LINGO2: variants seen among roughly 807,000 people sequenced by gnomAD.
LINGO2 encodes the protein leucine-rich repeat and immunoglobulin-like domain-containing nogo receptor-interacting protein 2.
A neutral mutation model predicts 30.6 loss-of-function variants in LINGO2; 14 were observed. The ratio of observed to expected loss-of-function variants is 0.46; its 90% confidence interval spans 0.30 to 0.72. The LOEUF is 0.72. Among genes scored for constraint, LINGO2 ranks in the 30% least tolerant of loss-of-function variants. The probability of loss-of-function intolerance (pLI) is 0.07; values close to 1 mark genes in which losing one functional copy is unlikely to be tolerated. For missense variants in LINGO2, 729 were observed against 751.7 expected (o/e 0.97, Z 0.35); for synonymous variants, 317 against 288.5 (o/e 1.10, Z -1.00).
At chr9:28,902,707 A>C in the LINGO2 span, among the ~76,000 whole-genome samples, 1 of 152,154 alleles carries the variant, frequency 6.6e-6, no homozygotes, top group Non-Finnish European at 1.5e-5. Flanking sequence ...AAACAGTACA[A>C]AACTAGAAAC....
At chr9:29,184,448 G>A in the LINGO2 span, among the ~76,000 whole-genome samples, 1 of 151,972 alleles carries the variant, frequency 6.6e-6, no homozygotes, top group African/African-American at 2.4e-5. Context: ...TGTTCTATAG[G>A]GGGGAAGAAG....
the LINGO2 span, among the ~76,000 whole-genome samples, chr9:29,114,369 C>T: frequency 2.8e-5 from 3 of 108,720 alleles, no homozygotes; most frequent in African/African-American, 1.0e-4. Flanking sequence ...TGTAACAGAG[C>T]ATTTTTTTCT....
the LINGO2 span, among the ~76,000 whole-genome samples, chr9:29,060,748 T>A: frequency 6.6e-6 from 1 of 151,220 alleles, no homozygotes; most frequent in Non-Finnish European, 1.5e-5. Context: ...AAATACAATG[T>A]TTGAAATTAA....
At chr9:28,513,325 A>T (rs1018936740) in intron 1 of LINGO2, among the ~76,000 whole-genome samples, 1 of 152,216 alleles carries the variant, frequency 6.6e-6, no homozygotes, top group Admixed American at 6.5e-5. Flanking sequence ...CGGTGTCTAC[A>T]TTTCAGACTC....
At chr9:29,175,711 G>A in the LINGO2 span, among the ~76,000 whole-genome samples, 3 of 151,834 alleles carry the variant, frequency 2.0e-5, no homozygotes, top group African/African-American at 7.3e-5. Context: ...ATCTTTAGTA[G>A]AGACGGGGTT....
intron 1 of LINGO2, among the ~76,000 whole-genome samples, chr9:28,524,581 C>T (rs1243446972): frequency 6.6e-6 from 1 of 152,066 alleles, no homozygotes; most frequent in Non-Finnish European, 1.5e-5. Context: ...GGTGAAACCA[C>T]ATCTCTACTA....
chr9:28,285,379 G>C (rs1004344195), intron 4 of LINGO2, among the ~76,000 whole-genome samples: 4 of 150,600 alleles, frequency 2.7e-5, no homozygotes, highest in African/African-American at 7.3e-5. Flanking sequence ...AACTCTGAGA[G>C]GACACGTTGC....
chr9:28,134,368 A>C lies in LINGO2; in HGVS notation c.-86-121963T>G, dbSNP rs1264897505. Among the ~76,000 whole-genome samples, 3 of 152,224 alleles carry C rather than the reference A, an allele frequency of 2.0e-5. No individual in the cohort carries two copies. In the East Asian group the frequency reaches 5.8e-4, roughly 29 times the overall value. ...TCGCTATTCCTCTTAGAAACCATTAAGCATCAGGAAAACAAAGAAACAAAC... is the reference window on the plus strand; with the variant it reads ...TCGCTATTCCTCTTAGAAACCATTACGCATCAGGAAAACAAAGAAACAAAC... On this transcript the variant is annotated intron_variant, in intron 4 of 5. Transcript: ENST00000379992.
At chr9:28,555,700 C>A (rs1026264332) in intron 1 of LINGO2, among the ~76,000 whole-genome samples, 175 of 151,932 alleles carry the variant, frequency 1.2e-3, no homozygotes, top group African/African-American at 3.1e-3. Flanking sequence ...ACCAAAAAAG[C>A]GAATTTTAGA....
intron 1 of LINGO2, among the ~76,000 whole-genome samples, chr9:28,591,579 C>A (rs1186358128): frequency 6.6e-6 from 1 of 151,890 alleles, no homozygotes; most frequent in Non-Finnish European, 1.5e-5. Context: ...TGTTAGGCAC[C>A]TTTTATGCAA....
chr9:28,882,719 T>C, the LINGO2 span, among the ~76,000 whole-genome samples: 2 of 152,282 alleles, frequency 1.3e-5, no homozygotes, highest in Admixed American at 1.3e-4. Context: ...CTGACACATA[T>C]TCAGTGACTC....
the LINGO2 span, among the ~76,000 whole-genome samples, chr9:29,095,799 T>G: frequency 7.2e-6 from 1 of 138,202 alleles, no homozygotes; most frequent in Admixed American, 7.4e-5. Context: ...CAGACACTCC[T>G]GACCAATACT....
the LINGO2 span, among the ~76,000 whole-genome samples, chr9:28,988,941 C>T: frequency 6.6e-6 from 1 of 152,184 alleles, no homozygotes; most frequent in African/African-American, 2.4e-5. Flanking sequence ...GATAGTTTCT[C>T]ATTGAATTTT....
At chr9:29,211,328 A>T in the LINGO2 span, among the ~76,000 whole-genome samples, 1 of 152,178 alleles carries the variant, frequency 6.6e-6, no homozygotes, top group Non-Finnish European at 1.5e-5. Flanking sequence ...CTCATCAAAC[A>T]TATTCAGTGC....
chr9:29,075,688 G>C, the LINGO2 span, among the ~76,000 whole-genome samples: 1 of 152,114 alleles, frequency 6.6e-6, no homozygotes, highest in Non-Finnish European at 1.5e-5. Context: ...AAGAGGAAAA[G>C]AGGCATTTCA....
chr9:29,094,482 G>A, the LINGO2 span, among the ~76,000 whole-genome samples: 2 of 138,894 alleles, frequency 1.4e-5, 1 homozygote, highest in Non-Finnish European at 3.1e-5. Context: ...TATAAATGAA[G>A]AAACTGAAGC....
intron 4 of LINGO2, among the ~76,000 whole-genome samples, chr9:28,150,056 C>T (rs577772907): frequency 8.8e-4 from 133 of 150,788 alleles, no homozygotes; most frequent in African/African-American, 3.1e-3. Context: ...AAATGAGGAG[C>T]GCCTCTGCCT....
intron 4 of LINGO2, among the ~76,000 whole-genome samples, chr9:28,031,332 C>T (rs1563927253): frequency 1.3e-5 from 2 of 148,772 alleles, no homozygotes; most frequent in African/African-American, 4.9e-5. Context: ...TTTATACCCA[C>T]TTCAGTAGAA....
the LINGO2 span, among the ~76,000 whole-genome samples, chr9:29,020,990 G>C: frequency 6.6e-6 from 1 of 152,060 alleles, no homozygotes; most frequent in Non-Finnish European, 1.5e-5. Flanking sequence ...AAGGATTTGA[G>C]GCAAAGGTGT....
Sources: allele counts gnomAD v4.1 joint callset (sites outside exome capture counted in the v4.1 genomes callset), GRCh38; gene constraint gnomAD v4.1.1; transcripts MANE v1.5; gene names NCBI Gene and HGNC (gene_info 2026-07-23, HGNC 2026-07-21).